The following CNBD1 variants were observed in gnomAD, a reference collection of about 807,000 sequenced individuals.
The protein encoded by CNBD1 is cyclic nucleotide binding domain containing 1.
In CNBD1, 71 loss-of-function variants were observed where a neutral mutation model predicts 54.4. That is an observed-to-expected ratio of 1.30 (90% CI 1.08 to 1.59). The LOEUF is 1.59. Ranked by LOEUF, CNBD1 falls within the 40% of genes most tolerant of loss-of-function variation. CNBD1 has a pLI of 0.00. For missense variants in CNBD1, 659 were observed against 518.0 expected (o/e 1.27, Z -2.64); for synonymous variants, 182 against 170.7 (o/e 1.07, Z -0.51).
At chr8:87,423,901 A>G (rs931889335) in intron 2 of CNBD1, among the ~76,000 whole-genome samples, 25 of 152,132 alleles carry the variant, frequency 1.6e-4, no homozygotes, top group African/African-American at 4.3e-4. Context: ...GAAGCCATCT[A>G]GTCCTGGACT....
chr8:87,036,537 T>C (rs901796371), intron 4 of CNBD1, among the ~76,000 whole-genome samples: 5 of 130,478 alleles, frequency 3.8e-5, no homozygotes, highest in Admixed American at 1.0e-4. Context: ...GAGCTTGCAG[T>C]GAGCAGAGAT....
chr8:87,062,713 G>A lies in CNBD1; in HGVS notation c.431+122959G>A, dbSNP rs374538482. Among the ~76,000 whole-genome samples, 405 of 151,452 alleles carry A rather than the reference G, an allele frequency of 2.7e-3. 3 individuals are homozygous for A. Among genetic ancestry groups the A allele is most frequent in the African/African-American group, 9.3e-3 (383 of 41,190 alleles). ...AGATCACCGTTGCACTCCAGCCTGA[G>A]CCACAAGAGCGAAACTCCATCTGAA... On this transcript the variant is annotated intron_variant, in intron 4 of 10. Transcript: ENST00000518476.
At chr8:87,411,053 C>T (rs1035512411) in intron 2 of CNBD1, among the ~76,000 whole-genome samples, 3 of 151,900 alleles carry the variant, frequency 2.0e-5, no homozygotes, top group Non-Finnish European at 2.9e-5. Context: ...CTTTGGGAAA[C>T]CAAAATTTGT....
intron 4 of CNBD1, among the ~76,000 whole-genome samples, chr8:87,168,379 G>T (rs1813010016): frequency 6.6e-6 from 1 of 151,710 alleles, no homozygotes; most frequent in African/African-American, 2.4e-5. Context: ...ATCACATCAG[G>T]GTAAATAATG....
chr8:87,342,642 G>T (rs1275765319), intron 8 of CNBD1, among the ~76,000 whole-genome samples: 3 of 151,998 alleles, frequency 2.0e-5, no homozygotes, highest in Non-Finnish European at 4.4e-5. Context: ...TTTACAGCTG[G>T]GCCTCTGAGG....
intron 8 of CNBD1, among the ~76,000 whole-genome samples, chr8:87,329,164 T>C (rs1388412469): frequency 1.3e-5 from 2 of 152,200 alleles, no homozygotes; most frequent in African/African-American, 4.8e-5. Flanking sequence ...TTCAGCACTG[T>C]TCTTTGGAAA....
chr8:87,422,455 G>T (rs1203972814), intron 2 of CNBD1, among the ~76,000 whole-genome samples: 1 of 150,916 alleles, frequency 6.6e-6, no homozygotes, highest in Non-Finnish European at 1.5e-5. Context: ...TTTGTATAAG[G>T]TGTAAGGAAG....
intron 6 of CNBD1, among the ~76,000 whole-genome samples, chr8:87,276,509 A>G (rs966528393): frequency 4.6e-5 from 7 of 151,796 alleles, no homozygotes; most frequent in Non-Finnish European, 1.0e-4. Context: ...AGCAAGAAAA[A>G]ACAGTCCAAA....
chr8:87,195,230 T>C (rs1262903188), intron 4 of CNBD1, among the ~76,000 whole-genome samples: 1 of 150,060 alleles, frequency 6.7e-6, no homozygotes. Flanking sequence ...AATTGATTTT[T>C]TTTTTTTTTT....
In CNBD1 at chr8:87,325,200, G is replaced by T. The variant is rs1280704735; in HGVS notation, c.1043-26485G>T. Reference sequence around the variant, plus strand: ...TTATAATTTCTGTTCTTTTACATTTGCTGAGGAGAGCTTTACTTCCAAGTA... The same window carrying T: ...TTATAATTTCTGTTCTTTTACATTTTCTGAGGAGAGCTTTACTTCCAAGTA... On this transcript the variant is annotated intron_variant, in intron 8 of 10. Coordinates refer to ENST00000518476, the MANE Select transcript of CNBD1 (RefSeq NM_173538.3). 8.5e-5 allele frequency among the ~76,000 whole-genome samples: 8 copies of T among 94,370 alleles called. 2 individuals carry two copies. The highest frequency in any genetic ancestry group is 2.1e-4 in the East Asian group (1 of 4,668). The allele number at this position is 94,370 out of a possible 152,430, so 61.9% of individuals were successfully genotyped here.
intron 8 of CNBD1, among the ~76,000 whole-genome samples, chr8:87,314,823 A>C (rs1809346923): frequency 6.6e-6 from 1 of 152,020 alleles, no homozygotes; most frequent in South Asian, 2.1e-4. Context: ...TTACCAAGTA[A>C]TATAAAGGTG....
At position 87,160,772 on chromosome 8, in the gene CNBD1, A is replaced by T. The variant is rs183952747; in HGVS notation, c.432-45221A>T. Among the ~76,000 whole-genome samples, 209 of 151,664 alleles carry T rather than the reference A, an allele frequency of 1.4e-3. 2 individuals are homozygous for T. The highest frequency in any genetic ancestry group is 4.1e-3 in the African/African-American group (167 of 41,234). On this transcript the variant is annotated intron_variant, in intron 4 of 10. Transcript: ENST00000518476. The stretch of plus-strand genomic sequence containing the variant: ...ATGAAACTTCATTTATACTATTTTT[A>T]AAAAAAACAGAAAATACCATAACCA...
At chr8:86,918,212 C>T (rs1450069011) in intron 3 of CNBD1, among the ~76,000 whole-genome samples, 4 of 152,018 alleles carry the variant, frequency 2.6e-5, no homozygotes, top group Admixed American at 6.6e-5. Context: ...ATAGTTAGCA[C>T]GGATTCTGTC....
chr8:87,020,564 T>C (rs1386448923), intron 4 of CNBD1, among the ~76,000 whole-genome samples: 1 of 152,168 alleles, frequency 6.6e-6, no homozygotes, highest in Non-Finnish European at 1.5e-5. Flanking sequence ...AAGGGGTCTA[T>C]GGAGTCATGT....
intron 6 of CNBD1, among the ~76,000 whole-genome samples, chr8:87,262,910 T>C (rs1421256510): frequency 2.6e-5 from 4 of 152,172 alleles, no homozygotes; most frequent in Non-Finnish European, 5.9e-5. Flanking sequence ...GAGATAATGA[T>C]GATGGAGTGG....
At chr8:87,370,072 G>A (rs1411352191) in intron 10 of CNBD1, among the ~76,000 whole-genome samples, 1 of 151,788 alleles carries the variant, frequency 6.6e-6, no homozygotes, top group Non-Finnish European at 1.5e-5. Flanking sequence ...ATTTTTTATG[G>A]CTGCATAGTA....
At chr8:87,016,771 A>T (rs964270614) in intron 4 of CNBD1, among the ~76,000 whole-genome samples, 1 of 152,202 alleles carries the variant, frequency 6.6e-6, no homozygotes, top group Non-Finnish European at 1.5e-5. Context: ...TATTCCTAAA[A>T]AAGCAATCAG....
At chr8:87,035,508 T>C (rs1809907983) in intron 4 of CNBD1, among the ~76,000 whole-genome samples, 2 of 152,226 alleles carry the variant, frequency 1.3e-5, no homozygotes, top group South Asian at 4.1e-4. Flanking sequence ...TACATGTGCA[T>C]AGCTTAAAAT....
Position 87,142,312 on chromosome 8 carries a change from A to G in CNBD1, c.432-63681A>G, listed in dbSNP as rs113944465. Among the ~76,000 whole-genome samples, 511 of 152,232 alleles carry G rather than the reference A, an allele frequency of 3.4e-3. 5 individuals are homozygous for G. Among genetic ancestry groups the G allele is most frequent in the African/African-American group, 0.011 (467 of 41,570 alleles). On this transcript the variant is annotated intron_variant, in intron 4 of 10. Transcript: ENST00000518476. Reference sequence around the variant, plus strand: ...ATCAGTAATGAAGTCCTTTGCCACAATTTTATGTATTTTTCCAAAAGCTTC... The same window carrying G: ...ATCAGTAATGAAGTCCTTTGCCACAGTTTTATGTATTTTTCCAAAAGCTTC...
Sources: gnomAD v4.1 joint callset for allele counts (sites outside exome capture counted in the v4.1 genomes callset) on GRCh38, gnomAD v4.1.1 for gene constraint, MANE v1.5 for transcripts, NCBI Gene and HGNC (gene_info 2026-07-23, HGNC 2026-07-21) for gene names.